INKA2: variants seen among roughly 807,000 people sequenced by gnomAD.
INKA2 encodes the protein PAK4-inhibitor INKA2.
INKA2 carries 3 observed loss-of-function variants against 9.8 expected under a neutral mutation model. That is an observed-to-expected ratio of 0.31 (90% CI 0.14 to 0.79). INKA2 has a LOEUF of 0.79. Ranked by LOEUF, INKA2 falls within the 30% of genes least tolerant of loss-of-function variation. The pLI, the probability that INKA2 is intolerant of heterozygous loss-of-function variation, is 0.62. For synonymous variants in INKA2, 147 were observed against 143.3 expected, an observed-to-expected ratio of 1.03 and a Z score of -0.18; for missense variants, 392 against 384.4, an observed-to-expected ratio of 1.02 and a Z score of -0.17.
At chr1:111,735,512 T>C (rs114288989) in intron 1 of INKA2, among the ~76,000 whole-genome samples, 1 of 152,186 alleles carries the variant, frequency 6.6e-6, no homozygotes, top group Non-Finnish European at 1.5e-5. Context: ...GTTAAGGTCA[T>C]ACAGAGCCAG....
At chr1:111,738,728 A>C (rs1424368111) in intron 1 of INKA2, among the ~76,000 whole-genome samples, 2 of 152,058 alleles carry the variant, frequency 1.3e-5, no homozygotes, top group Admixed American at 1.3e-4. Context: ...GTGCCCGCGC[A>C]GGGATCAGGA....
chr1:111,745,417 C>T (rs998400863), intron 1 of INKA2: 1 of 149,230 alleles, frequency 6.7e-6, no homozygotes, highest in Non-Finnish European at 1.5e-5. Context: ...CCACCTAAGC[C>T]GCCAAAGCAG....
At chr1:111,739,064 C>T in intron 1 of INKA2, 122 bp downstream of exon 1, 2 of 929,622 alleles carry the variant, frequency 2.2e-6, no homozygotes, top group Non-Finnish European at 3.4e-6. Context: ...CGCGTCCTCT[C>T]CTCTCTTCCC....
Position 111,727,465 on chromosome 1 carries a change from G to T in INKA2, c.397C>A (p.Pro133Thr). The change falls in exon 2 of 2, where the codon CCA becomes ACA. Residue 133 changes from proline (P) to threonine (T), a missense_variant. Coordinates refer to ENST00000357260, the MANE Select transcript of INKA2 (RefSeq NM_019099.5). ...CAGTCATCCGGTTCCACTCGCTCTG[G>T]CCCCTGCTGAGCACAGCTTTGATGT... ...QPHQSCAQQG[P>T]ERVEPDDWTS... is the part of the protein sequence containing the mutation. 1 of 1,614,228 alleles carries T rather than the reference G, an allele frequency of 6.2e-7. No individual in the cohort carries two copies. Among genetic ancestry groups the T allele is most frequent in the Non-Finnish European group, 8.5e-7 (1 of 1,180,052 alleles).
chr1:111,745,293 A>ATATATATATATTTT (rs1358304932), intron 1 of INKA2: 14 of 49,270 alleles, frequency 2.8e-4, no homozygotes, highest in Non-Finnish European at 4.1e-4. Context: ...ATATATATAT[A>ATATATATATATTTT]TTTTTTTTTT....
At position 111,722,782 on chromosome 1, in the gene INKA2, G is replaced by A. The variant is rs986300386; in HGVS notation, c.*4186C>T. 57 of 366,310 alleles carry A rather than the reference G, an allele frequency of 1.6e-4. No individual in the cohort carries two copies. Among genetic ancestry groups the A allele is most frequent in the Middle Eastern group, 1.5e-3 (2 of 1,342 alleles). 22.7% of individuals were successfully genotyped at this position (366,310 alleles called of 1,614,324 possible). ...GATATTAAATCAATATAAATGTTTCGACAGAAGAAGAGACCAACGCTCAGA... is the reference window on the plus strand; with the variant it reads ...GATATTAAATCAATATAAATGTTTCAACAGAAGAAGAGACCAACGCTCAGA... On this transcript the variant is annotated 3_prime_UTR_variant, in exon 2 of 2. Coordinates refer to ENST00000357260, the MANE Select transcript of INKA2 (RefSeq NM_019099.5).
rs1417667513 is a variant in INKA2, at chr1:111,739,355, C to G, written c.-113G>C. On this transcript the variant is annotated 5_prime_UTR_variant, in exon 1 of 2. Coordinates refer to ENST00000357260, the MANE Select transcript of INKA2 (RefSeq NM_019099.5). ...GCCCCTGCGCCCGTAGCGCTCGCAG[C>G]GCGGAGCTGAGCCTGCGCTCCGAGC... The G allele has an allele frequency of 5.1e-6, 8 of 1,553,550 alleles. No homozygotes were observed. Among genetic ancestry groups the G allele is most frequent in the Non-Finnish European group, 7.0e-6 (8 of 1,149,774 alleles).
intron 1 of INKA2, among the ~76,000 whole-genome samples, chr1:111,734,669 G>T (rs1662976274): frequency 6.6e-6 from 1 of 152,166 alleles, no homozygotes; most frequent in African/African-American, 2.4e-5. Context: ...AACTCCAGCT[G>T]GTCTTCAGAC....
rs923824684 is a variant in INKA2, at chr1:111,726,113, G to A, written c.*855C>T. 32 of 398,530 alleles carry A rather than the reference G, an allele frequency of 8.0e-5. No individual in the cohort carries two copies. The highest frequency in any genetic ancestry group is 2.1e-5 in the African/African-American group (1 of 48,636). 24.7% of individuals were successfully genotyped at this position (398,530 alleles called of 1,614,324 possible). The stretch of plus-strand genomic sequence containing the variant: ...GCTTCTACTCTGCAGTTAGACCTAG[G>A]CTGTTCTGCCTCCTGGCTGCAGTTG... On this transcript the variant is annotated 3_prime_UTR_variant, in exon 2 of 2. Coordinates refer to ENST00000357260, the MANE Select transcript of INKA2 (RefSeq NM_019099.5).
chr1:111,741,377 GT>G (rs1488347210), upstream of INKA2, among the ~76,000 whole-genome samples: 1 of 152,248 alleles, frequency 6.6e-6, no homozygotes, highest in East Asian at 1.9e-4. Context: ...AGTCTGAGCA[GT>G]ATTGGCCCTC....
chr1:111,730,378 T>C (rs1241196674), intron 1 of INKA2, among the ~76,000 whole-genome samples: 2 of 152,190 alleles, frequency 1.3e-5, no homozygotes, highest in East Asian at 1.9e-4. Flanking sequence ...AACTTACTCA[T>C]GTTGGATTTT....
chr1:111,747,848 G>GTGTA (rs60910138), intron 1 of INKA2: 1 of 152,086 alleles, frequency 6.6e-6, no homozygotes, highest in Non-Finnish European at 1.5e-5. Context: ...GTGTGTGTGT[G>GTGTA]GTTCAGACAG....
Position 111,726,074 on chromosome 1 carries a change from A to G in INKA2, c.*894T>C, listed in dbSNP as rs78919397. ...AGAACTGTTGGGGAGGAGTGTTGGTAACTCCAGGGTCCAGCTTCTACTCTG... is the reference window on the plus strand; with the variant it reads ...AGAACTGTTGGGGAGGAGTGTTGGTGACTCCAGGGTCCAGCTTCTACTCTG... On this transcript the variant is annotated 3_prime_UTR_variant, in exon 2 of 2. Coordinates refer to ENST00000357260, the MANE Select transcript of INKA2 (RefSeq NM_019099.5). 11 of 398,540 alleles carry G rather than the reference A, an allele frequency of 2.8e-5. No homozygotes were observed. The highest frequency in any genetic ancestry group is 4.1e-5 in the African/African-American group (2 of 48,624). The allele number at this position is 398,540 out of a possible 1,614,324, so 24.7% of individuals were successfully genotyped here. A position where few individuals can be genotyped will look rare whatever the true frequency, so the allele number is the denominator to read the frequency against.
intron 1 of INKA2, among the ~76,000 whole-genome samples, chr1:111,729,393 T>C (rs1218188316): frequency 6.6e-6 from 1 of 152,224 alleles, no homozygotes; most frequent in East Asian, 1.9e-4. Flanking sequence ...CAAGCCATAG[T>C]GAGATGCTGG....
At chr1:111,750,757 C>T (rs1663389079) in intron 1 of INKA2, among the ~76,000 whole-genome samples, 1 of 152,208 alleles carries the variant, frequency 6.6e-6, no homozygotes. Flanking sequence ...GGCTTTGCCA[C>T]TACCCAAGCC....
At position 111,722,911 on chromosome 1, in the gene INKA2, G is replaced by A. The variant is rs1197220247; in HGVS notation, c.*4057C>T. 6 of 580,932 alleles carry A rather than the reference G, an allele frequency of 1.0e-5. No individual in the cohort carries two copies. Among genetic ancestry groups the A allele is most frequent in the Admixed American group, 5.8e-5 (2 of 34,458 alleles). 36.0% of individuals were successfully genotyped at this position (580,932 alleles called of 1,614,324 possible). ...CTGCTGAGCTTCTGCTGTATTCCAG[G>A]CAGTGCTTGGACCGTAGGTGCATTA... On this transcript the variant is annotated 3_prime_UTR_variant, in exon 2 of 2. Coordinates refer to ENST00000357260, the MANE Select transcript of INKA2 (RefSeq NM_019099.5).
chr1:111,743,247 T>C (rs975200402), upstream of INKA2, among the ~76,000 whole-genome samples: 1 of 152,064 alleles, frequency 6.6e-6, no homozygotes, highest in African/African-American at 2.4e-5. Context: ...CGAAAATAAA[T>C]AATAAAGAAA....
chr1:111,737,583 A>G (rs1663033617), intron 1 of INKA2, among the ~76,000 whole-genome samples: 1 of 152,228 alleles, frequency 6.6e-6, no homozygotes, highest in African/African-American at 2.4e-5. Flanking sequence ...TACTGCACAC[A>G]TAAATGGAAA....
At chr1:111,732,993 C>A (rs1022619692) in intron 1 of INKA2, among the ~76,000 whole-genome samples, 2 of 152,170 alleles carry the variant, frequency 1.3e-5, no homozygotes. Flanking sequence ...CTAGCCCTTT[C>A]CTCTGCACGG....
Sources: allele counts gnomAD v4.1 joint callset (sites outside exome capture counted in the v4.1 genomes callset), GRCh38; gene constraint gnomAD v4.1.1; transcripts MANE v1.5; gene names NCBI Gene and HGNC (gene_info 2026-07-23, HGNC 2026-07-21).